LRRC4C: variants seen among roughly 807,000 people sequenced by gnomAD.
The protein encoded by LRRC4C is leucine rich repeat containing 4C.
In LRRC4C, 5 loss-of-function variants were observed where a neutral mutation model predicts 33.6. That is an observed-to-expected ratio of 0.15 (90% CI 0.08 to 0.31). The LOEUF (loss-of-function observed/expected upper bound fraction) is 0.31, where lower values mean the gene tolerates loss of function less well. LRRC4C is among the 10% of genes least tolerant of loss of function. LRRC4C has a pLI of 1.00. For synonymous variants in LRRC4C, 329 were observed against 302.0 expected, an observed-to-expected ratio of 1.09 and a Z score of -0.93; for missense variants, 560 against 796.7, an observed-to-expected ratio of 0.70 and a Z score of 3.58.
At chr11:40,826,201 C>T (rs1952162958) in intron 2 of LRRC4C, among the ~76,000 whole-genome samples, 1 of 151,954 alleles carries the variant, frequency 6.6e-6, no homozygotes, top group Non-Finnish European at 1.5e-5. Flanking sequence ...GGAAATTTAA[C>T]TTTCTTCCTG....
intron 2 of LRRC4C, among the ~76,000 whole-genome samples, chr11:40,758,781 T>C (rs1040291714): frequency 6.6e-6 from 1 of 151,782 alleles, no homozygotes; most frequent in Non-Finnish European, 1.5e-5. Context: ...ACCTTGCTCA[T>C]TTTTCATTCT....
intron 2 of LRRC4C, among the ~76,000 whole-genome samples, chr11:40,728,158 C>A (rs1338372993): frequency 6.6e-6 from 1 of 151,554 alleles, no homozygotes; most frequent in African/African-American, 2.4e-5. Flanking sequence ...CTGATGTTGG[C>A]AAGGTTGTGG....
chr11:40,403,705 G>T (rs548166349), intron 3 of LRRC4C, among the ~76,000 whole-genome samples: 42 of 152,178 alleles, frequency 2.8e-4, no homozygotes, highest in Non-Finnish European at 8.8e-5. Flanking sequence ...CTTCAAAATG[G>T]TTTTTTGTTT....
intron 3 of LRRC4C, among the ~76,000 whole-genome samples, chr11:40,610,181 C>T (rs1961060207): frequency 6.6e-6 from 1 of 151,832 alleles, no homozygotes; most frequent in Non-Finnish European, 1.5e-5. Context: ...GATCACTCAC[C>T]CTGACCAAGT....
At chr11:41,174,561 A>T (rs557931985) in intron 1 of LRRC4C, among the ~76,000 whole-genome samples, 2 of 152,000 alleles carry the variant, frequency 1.3e-5, no homozygotes, top group East Asian at 1.9e-4. Flanking sequence ...ATTTTTTTTT[A>T]AATTCTGCTC....
chr11:40,217,707 T>C (rs186321098), intron 5 of LRRC4C, among the ~76,000 whole-genome samples: 1 of 152,264 alleles, frequency 6.6e-6, no homozygotes, highest in Admixed American at 6.5e-5. Flanking sequence ...TGACAGATAA[T>C]ATGACTGTTT....
At chr11:41,439,701 G>A (rs952914158) in intron 1 of LRRC4C, among the ~76,000 whole-genome samples, 3 of 152,058 alleles carry the variant, frequency 2.0e-5, no homozygotes, top group African/African-American at 4.8e-5. Flanking sequence ...ATCTGTTCAT[G>A]TTTTTGCCCA....
chr11:40,586,575 C>T (rs1330304351), intron 3 of LRRC4C, among the ~76,000 whole-genome samples: 1 of 148,806 alleles, frequency 6.7e-6, no homozygotes, highest in African/African-American at 2.5e-5. Context: ...ATGGTAATGC[C>T]TAGGTTTTCT....
At chr11:40,617,805 C>G (rs1962013524) in intron 3 of LRRC4C, among the ~76,000 whole-genome samples, 1 of 151,640 alleles carries the variant, frequency 6.6e-6, no homozygotes, top group Non-Finnish European at 1.5e-5. Flanking sequence ...ACCATTTTAG[C>G]ATCCCCTTTT....
intron 3 of LRRC4C, among the ~76,000 whole-genome samples, chr11:40,568,945 T>C (rs1446764806): frequency 6.6e-6 from 1 of 152,176 alleles, no homozygotes; most frequent in East Asian, 1.9e-4. Flanking sequence ...GAGTTCAATA[T>C]GGGAAAATAC....
At chr11:40,908,271 G>T (rs1262464532) in intron 2 of LRRC4C, among the ~76,000 whole-genome samples, 2 of 152,024 alleles carry the variant, frequency 1.3e-5, no homozygotes. Context: ...ATTTATATCA[G>T]CTCAAAAGAA....
At chr11:40,192,578 G>A (rs1861934470) in intron 5 of LRRC4C, among the ~76,000 whole-genome samples, 1 of 152,114 alleles carries the variant, frequency 6.6e-6, no homozygotes, top group African/African-American at 2.4e-5. Flanking sequence ...ATACCCAGTG[G>A]CACCTGGAAC....
intron 3 of LRRC4C, among the ~76,000 whole-genome samples, chr11:40,503,213 C>T (rs1446494468): frequency 6.6e-6 from 1 of 152,130 alleles, no homozygotes; most frequent in Admixed American, 6.5e-5. Context: ...AAAACATTAC[C>T]TTCATGAAGC....
intron 5 of LRRC4C, among the ~76,000 whole-genome samples, chr11:40,220,459 A>C (rs1864322193): frequency 6.6e-6 from 1 of 152,106 alleles, no homozygotes; most frequent in African/African-American, 2.4e-5. Context: ...TTTTATTCCT[A>C]CCTATATTCA....
chr11:40,325,005 GA>G (rs1422671148), intron 3 of LRRC4C, among the ~76,000 whole-genome samples: 5 of 152,162 alleles, frequency 3.3e-5, no homozygotes, highest in African/African-American at 1.2e-4. Flanking sequence ...TTAGCAAATA[GA>G]AATGCTCAAA....
At chr11:40,122,885 T>C (rs1433885073) in intron 6 of LRRC4C, among the ~76,000 whole-genome samples, 1 of 149,820 alleles carries the variant, frequency 6.7e-6, no homozygotes, top group Admixed American at 6.8e-5. Context: ...TATATATATA[T>C]AGATAGATAT....
intron 5 of LRRC4C, among the ~76,000 whole-genome samples, chr11:40,173,985 G>A (rs1860262347): frequency 6.6e-6 from 1 of 152,140 alleles, no homozygotes; most frequent in Admixed American, 6.5e-5. Flanking sequence ...ACTTACCAAT[G>A]TGCAAACTTG....
chr11:40,274,245 C>A (rs1160818114), intron 4 of LRRC4C, among the ~76,000 whole-genome samples: 1 of 151,822 alleles, frequency 6.6e-6, no homozygotes, highest in Admixed American at 6.6e-5. Flanking sequence ...AAGGAGATTC[C>A]GGAGGGGAGG....
At chr11:41,053,321 A>G (rs1471726513) in intron 1 of LRRC4C, among the ~76,000 whole-genome samples, 1 of 152,230 alleles carries the variant, frequency 6.6e-6, no homozygotes, top group Admixed American at 6.5e-5. Context: ...GGAGAGGCCC[A>G]TGTGGCAAGG....
Sources: gnomAD v4.1 joint callset for allele counts (sites outside exome capture counted in the v4.1 genomes callset) on GRCh38, gnomAD v4.1.1 for gene constraint, MANE v1.5 for transcripts, NCBI Gene and HGNC (gene_info 2026-07-23, HGNC 2026-07-21) for gene names.